MAP4K5: variants seen among roughly 807,000 people sequenced by gnomAD.
MAP4K5 encodes MAPK/ERK kinase kinase kinase 5.
A neutral mutation model predicts 135.6 loss-of-function variants in MAP4K5; 82 were observed. That is an observed-to-expected ratio of 0.60 (90% CI 0.51 to 0.73). MAP4K5 has a LOEUF of 0.73. MAP4K5 is among the 30% of genes least tolerant of loss of function. The pLI is 0.00. For missense variants in MAP4K5, 907 were observed against 1,010.9 expected (o/e 0.90, Z 1.39); for synonymous variants, 347 against 335.0 (o/e 1.04, Z -0.39).
At chr14:50,480,719 C>T (rs994168198) in intron 6 of MAP4K5, among the ~76,000 whole-genome samples, 1 of 152,084 alleles carries the variant, frequency 6.6e-6, no homozygotes, top group Non-Finnish European at 1.5e-5. Context: ...GTGCAAGTAT[C>T]ACAGAGGGTA....
chr14:50,513,569 T>C (rs1010389120), intron 2 of MAP4K5, among the ~76,000 whole-genome samples: 1 of 91,174 alleles, frequency 1.1e-5, no homozygotes, highest in African/African-American at 4.3e-5. Flanking sequence ...TGAAAGATAA[T>C]TTTTTATAAA....
chr14:50,505,910 C>A (rs2037800188), intron 2 of MAP4K5, among the ~76,000 whole-genome samples: 1 of 145,388 alleles, frequency 6.9e-6, no homozygotes, highest in Admixed American at 6.8e-5. Flanking sequence ...TACGGTATTA[C>A]TAGGTCAAAG....
intron 32 of MAP4K5, among the ~76,000 whole-genome samples, chr14:50,421,862 T>C (rs1179013825): frequency 6.7e-6 from 1 of 150,144 alleles, no homozygotes; most frequent in African/African-American, 2.5e-5. Context: ...TAAAGGATTA[T>C]CTACACCAGG....
At chr14:50,541,732 T>A (rs2038562536) in intron 2 of MAP4K5, among the ~76,000 whole-genome samples, 1 of 152,002 alleles carries the variant, frequency 6.6e-6, no homozygotes, top group African/African-American at 2.4e-5. Context: ...TATAAGAATA[T>A]GCTGTTGGCC....
At chr14:50,517,196 G>A (rs1284583617) in intron 2 of MAP4K5, among the ~76,000 whole-genome samples, 1 of 150,356 alleles carries the variant, frequency 6.7e-6, no homozygotes, top group Non-Finnish European at 1.5e-5. Flanking sequence ...CTGTCACCCA[G>A]GCTGGAGTGC....
chr14:50,453,733 C>T (rs963072601), intron 14 of MAP4K5, among the ~76,000 whole-genome samples: 1 of 152,126 alleles, frequency 6.6e-6, no homozygotes, highest in African/African-American at 2.4e-5. Context: ...TTCACCCTTT[C>T]AGATACATCC....
chr14:50,447,910 C>A (rs1347125898), intron 15 of MAP4K5, among the ~76,000 whole-genome samples: 2 of 151,784 alleles, frequency 1.3e-5, no homozygotes, highest in Non-Finnish European at 2.9e-5. Flanking sequence ...AACATATTTA[C>A]AGTAAGAAGA....
At chr14:50,546,385 T>A (rs1595569081) in intron 1 of MAP4K5, among the ~76,000 whole-genome samples, 1 of 151,888 alleles carries the variant, frequency 6.6e-6, no homozygotes, top group East Asian at 1.9e-4. Flanking sequence ...TGTGTGCGTG[T>A]GTGTGTGTGA....
At chr14:50,487,581 C>T (rs547682535) in intron 3 of MAP4K5, among the ~76,000 whole-genome samples, 2 of 152,124 alleles carry the variant, frequency 1.3e-5, no homozygotes, top group African/African-American at 2.4e-5. Context: ...TAAATGGTTA[C>T]GTATACCTTA....
chr14:50,431,697 A>G (rs4901033), intron 28 of MAP4K5, among the ~76,000 whole-genome samples: 129,306 of 150,168 alleles, frequency 0.86, 57,447 homozygotes, highest in Non-Finnish European at 0.96. Context: ...ATTGTGAATA[A>G]TGCTGCAATA....
At chr14:50,475,469 C>T (rs978593144) in intron 8 of MAP4K5, among the ~76,000 whole-genome samples, 6 of 151,616 alleles carry the variant, frequency 4.0e-5, no homozygotes, top group Admixed American at 3.3e-4. Flanking sequence ...GAAACACACA[C>T]CTGTATTCCT....
intron 1 of MAP4K5, among the ~76,000 whole-genome samples, chr14:50,553,032 C>T (rs565377738): frequency 1.3e-5 from 2 of 152,138 alleles, no homozygotes; most frequent in South Asian, 2.1e-4. Flanking sequence ...TGGTGGCTCA[C>T]GCCTGTAATC....
At chr14:50,513,454 TAA>T (rs1204778073) in intron 2 of MAP4K5, among the ~76,000 whole-genome samples, 2 of 152,164 alleles carry the variant, frequency 1.3e-5, no homozygotes. Flanking sequence ...TAATGAAAAC[TAA>T]AAGTTAATGA....
At chr14:50,498,491 T>G (rs1030736327) in intron 3 of MAP4K5, among the ~76,000 whole-genome samples, 1 of 152,236 alleles carries the variant, frequency 6.6e-6, no homozygotes, top group Non-Finnish European at 1.5e-5. Context: ...TTTTTGTGGC[T>G]AATTAATAAA....
At chr14:50,513,852 A>C (rs2037978465) in intron 2 of MAP4K5, among the ~76,000 whole-genome samples, 1 of 152,180 alleles carries the variant, frequency 6.6e-6, no homozygotes, top group Non-Finnish European at 1.5e-5. Context: ...ATTTTTAACA[A>C]GCTATCTCCA....
At chr14:50,466,400 A>C (rs1338835491) in intron 11 of MAP4K5, among the ~76,000 whole-genome samples, 183 bp downstream of exon 11, 2 of 151,554 alleles carry the variant, frequency 1.3e-5, no homozygotes, top group Non-Finnish European at 2.9e-5. Flanking sequence ...AAAAAAAAAA[A>C]AAAAACTACC....
chr14:50,490,752 T>G (rs966641858), intron 3 of MAP4K5, among the ~76,000 whole-genome samples: 1 of 152,216 alleles, frequency 6.6e-6, no homozygotes, highest in African/African-American at 2.4e-5. Flanking sequence ...GCTCCCAGTT[T>G]CACAGCTCTG....
Position 50,445,119 on chromosome 14 carries a change from A to C in MAP4K5, c.1261T>G (p.Ser421Ala). 1 of 1,613,680 alleles carries C rather than the reference A, an allele frequency of 6.2e-7. No individual in the cohort carries two copies. Among genetic ancestry groups the C allele is most frequent in the East Asian group, 2.2e-5 (1 of 44,844 alleles). ...KASTIKHCPD[S>A]ESRAPQILRR... is the part of the protein sequence containing the mutation. ...AGAATTTGGGGAGCTCTGCTTTCTG[A>C]ATCAGGACAATGTTTTATGGTTGAT... The change falls in exon 18 of 33, where the codon TCA (serine) becomes GCA (alanine). Residue 421 changes from serine to alanine, a missense_variant. Ser to Ala is a moderately conservative substitution (Grantham distance 99). Transcript: ENST00000682126.
In MAP4K5 at chr14:50,435,036, G is replaced by GAA; in HGVS notation, c.1911_1912insTT (p.Leu638PhefsTer24). On this transcript the variant is annotated frameshift_variant, in exon 27 of 33. Coordinates refer to ENST00000682126, the MANE Select transcript of MAP4K5 (RefSeq NM_006575.6). LOFTEE classifies it high-confidence loss of function. ...ATTCCAGACTGTAAAGCTCCACAGA[G>GAA]GTATTTATGTCCCGTGTAAGGGTTT... 1 of 1,610,108 alleles carries GAA rather than the reference G, an allele frequency of 6.2e-7. No individual in the cohort carries two copies. The highest frequency in any genetic ancestry group is 8.5e-7 in the Non-Finnish European group (1 of 1,177,500).
Sources: gnomAD v4.1 joint callset for allele counts (sites outside exome capture counted in the v4.1 genomes callset) on GRCh38, gnomAD v4.1.1 for gene constraint, MANE v1.5 for transcripts, NCBI Gene and HGNC (gene_info 2026-07-23, HGNC 2026-07-21) for gene names.